STK32B: variants seen among roughly 807,000 people sequenced by gnomAD.
STK32B encodes serine/threonine kinase 32B.
Under a neutral mutation model 52.6 loss-of-function variants are expected in STK32B, and 43 were observed. That is an observed-to-expected ratio of 0.82 (90% confidence interval 0.64 to 1.05). The LOEUF (loss-of-function observed/expected upper bound fraction) is 1.05. STK32B is among the 50% of genes least tolerant of loss of function. The pLI is 0.00. For synonymous variants in STK32B, 238 were observed against 204.3 expected (o/e 1.17, Z -1.41); for missense variants, 621 against 534.6 (o/e 1.16, Z -1.59).
At chr4:5,024,041 C>G in the STK32B span, among the ~76,000 whole-genome samples, 10 of 152,156 alleles carry the variant, frequency 6.6e-5, no homozygotes, top group African/African-American at 2.2e-4. Context: ...TAGAGGGAAT[C>G]TGGAGCTCAG....
At chr4:5,486,083 G>A (rs567521898) in intron 11 of STK32B, among the ~76,000 whole-genome samples, 89 of 152,244 alleles carry the variant, frequency 5.8e-4, no homozygotes, top group Non-Finnish European at 8.8e-4. Flanking sequence ...CTCCAGCTGC[G>A]TGCTGGGAGG....
In STK32B at chr4:5,444,880, C is replaced by G. The variant is rs1039706551; in HGVS notation, c.563-1793C>G. 2.6e-5 allele frequency among the ~76,000 whole-genome samples: 4 copies of G among 152,310 alleles called. No homozygotes were observed. The South Asian group carries it at 8.3e-4, about 32-fold the overall frequency. ...CAGCACCAGTGGTCTTCCTGTTTCC[C>G]AGGGCACAATGTCAGTTCCTTTGTA... On this transcript the variant is annotated intron_variant, in intron 6 of 11. Transcript: ENST00000282908.
chr4:5,404,862 G>A (rs1156807603), intron 5 of STK32B, among the ~76,000 whole-genome samples: 9 of 135,316 alleles, frequency 6.7e-5, no homozygotes, highest in Non-Finnish European at 9.2e-5. Flanking sequence ...CTCTGTATGC[G>A]ATTTTTTTTT....
intron 1 of STK32B, among the ~76,000 whole-genome samples, chr4:5,124,907 A>T (rs1715270160): frequency 6.6e-6 from 1 of 152,196 alleles, no homozygotes; most frequent in South Asian, 2.1e-4. Context: ...GTTCCATTAC[A>T]TTGTGAAGAG....
intron 6 of STK32B, among the ~76,000 whole-genome samples, chr4:5,423,196 T>G (rs1712791373): frequency 6.6e-6 from 1 of 151,872 alleles, no homozygotes; most frequent in Non-Finnish European, 1.5e-5. Flanking sequence ...CAGGAAAGCA[T>G]TAGGGGTCAG....
At chr4:5,290,084 C>T (rs1279891300) in intron 3 of STK32B, among the ~76,000 whole-genome samples, 1 of 152,088 alleles carries the variant, frequency 6.6e-6, no homozygotes, top group African/African-American at 2.4e-5. Flanking sequence ...ATTTATTTAG[C>T]TCCCACTTAC....
At chr4:5,064,513 T>C (rs1313187245) in intron 1 of STK32B, among the ~76,000 whole-genome samples, 1 of 63,822 alleles carries the variant, frequency 1.6e-5, no homozygotes, top group Non-Finnish European at 3.3e-5. Context: ...AATATATAAA[T>C]ATATACTTAT....
intron 3 of STK32B, among the ~76,000 whole-genome samples, chr4:5,257,163 G>GTGAA (rs1035521565): frequency 2.0e-5 from 3 of 152,146 alleles, no homozygotes; most frequent in Admixed American, 2.0e-4. Context: ...GGGCAACTGA[G>GTGAA]TGAATGAATG....
intron 7 of STK32B, among the ~76,000 whole-genome samples, chr4:5,449,422 GA>G (rs1715774654): frequency 6.6e-6 from 1 of 152,146 alleles, no homozygotes; most frequent in African/African-American, 2.4e-5. Flanking sequence ...ATAATGGGTG[GA>G]AAATTGATAT....
At chr4:5,435,095 C>T (rs1437233052) in intron 6 of STK32B, among the ~76,000 whole-genome samples, 6 of 152,186 alleles carry the variant, frequency 3.9e-5, no homozygotes, top group African/African-American at 1.4e-4. Context: ...CCCCACAAAG[C>T]CCTGCACGAA....
chr4:5,479,001 CAA>C (rs1252683319), intron 11 of STK32B, among the ~76,000 whole-genome samples: 1 of 152,120 alleles, frequency 6.6e-6, no homozygotes, highest in African/African-American at 2.4e-5. Flanking sequence ...CCCAGGCTGA[CAA>C]GAGTTGGAGG....
chr4:5,023,073 G>T, the STK32B span, among the ~76,000 whole-genome samples: 1 of 151,996 alleles, frequency 6.6e-6, no homozygotes, highest in Non-Finnish European at 1.5e-5. Flanking sequence ...GAGGGAGATT[G>T]TAAGATATTG....
At chr4:5,207,177 G>A (rs910991111) in intron 3 of STK32B, among the ~76,000 whole-genome samples, 3 of 152,166 alleles carry the variant, frequency 2.0e-5, no homozygotes, top group African/African-American at 7.2e-5. Context: ...GAGCCTGAAC[G>A]AATTCCTTCT....
chr4:5,177,567 G>A (rs542716622), intron 3 of STK32B, among the ~76,000 whole-genome samples: 5 of 152,128 alleles, frequency 3.3e-5, no homozygotes, highest in South Asian at 4.2e-4. Context: ...AACTTATTCC[G>A]GCATTAACTC....
At chr4:5,354,106 A>G (rs938183977) in intron 4 of STK32B, among the ~76,000 whole-genome samples, 2 of 152,232 alleles carry the variant, frequency 1.3e-5, no homozygotes, top group African/African-American at 4.8e-5. Flanking sequence ...ACTGGAAGTC[A>G]TTATGTTAAG....
chr4:5,304,772 AG>A (rs1030990321), intron 3 of STK32B, among the ~76,000 whole-genome samples: 38 of 118,102 alleles, frequency 3.2e-4, no homozygotes, highest in African/African-American at 2.1e-3. Flanking sequence ...GTTATCGGGG[AG>A]GGGGGGTGCT....
At chr4:5,290,312 T>A (rs771564534) in intron 3 of STK32B, among the ~76,000 whole-genome samples, 3 of 152,124 alleles carry the variant, frequency 2.0e-5, no homozygotes, top group Admixed American at 6.5e-5. Flanking sequence ...TCTTTTGTAA[T>A]AACACAACGT....
At chr4:5,387,869 C>T (rs1428342531) in intron 4 of STK32B, among the ~76,000 whole-genome samples, 9 of 152,154 alleles carry the variant, frequency 5.9e-5, no homozygotes, top group African/African-American at 1.9e-4. Flanking sequence ...CTCAGCCTCC[C>T]GAGTAGCCAG....
In STK32B at chr4:5,372,910, C is replaced by G. The variant is rs537857474; in HGVS notation, c.435-25297C>G. 1.7e-3 allele frequency among the ~76,000 whole-genome samples: 259 copies of G among 152,298 alleles called. 1 individual carries two copies. Among genetic ancestry groups the G allele is most frequent in the African/African-American group, 5.1e-3 (213 of 41,574 alleles). Reference sequence around the variant, plus strand: ...TCAGCATGGTTGAGCCTCTTCAGGACATAAGACCCATGACCCAAATGAGGA... The same window carrying G: ...TCAGCATGGTTGAGCCTCTTCAGGAGATAAGACCCATGACCCAAATGAGGA... On this transcript the variant is annotated intron_variant, in intron 4 of 11. Transcript: ENST00000282908.
Sources: gnomAD v4.1 joint callset for allele counts (sites outside exome capture counted in the v4.1 genomes callset) on GRCh38, gnomAD v4.1.1 for gene constraint, MANE v1.5 for transcripts, NCBI Gene and HGNC (gene_info 2026-07-23, HGNC 2026-07-21) for gene names.